MYO5A: variants seen among roughly 807,000 people sequenced by gnomAD.
The protein encoded by MYO5A is myosin VA.
A neutral mutation model predicts 249.7 loss-of-function variants in MYO5A; 98 were observed. The ratio of observed to expected loss-of-function variants is 0.39; its 90% CI spans 0.33 to 0.46. The LOEUF (loss-of-function observed/expected upper bound fraction) is 0.46. MYO5A is among the 20% of genes least tolerant of loss of function. The pLI, the probability that MYO5A is intolerant of heterozygous loss-of-function variation, is 0.98. For synonymous variants in MYO5A, 778 were observed against 810.6 expected (o/e 0.96, Z 0.68); for missense variants, 1,696 against 2,308.8 (o/e 0.73, Z 5.44).
chr15:52,362,019 C>CT (rs2040555318), intron 24 of MYO5A, among the ~76,000 whole-genome samples: 1 of 150,760 alleles, frequency 6.6e-6, no homozygotes, highest in Admixed American at 6.7e-5. Flanking sequence ...GCCTCATGAT[C>CT]TTTTCATCAT....
chr15:52,479,150 G>A (rs1343030008), intron 1 of MYO5A, among the ~76,000 whole-genome samples: 1 of 151,816 alleles, frequency 6.6e-6, no homozygotes, highest in Non-Finnish European at 1.5e-5. Flanking sequence ...GCTAATTTTT[G>A]TACTTTTAGT....
At chr15:52,355,765 T>C (rs879796372) in intron 25 of MYO5A, among the ~76,000 whole-genome samples, 1 of 152,218 alleles carries the variant, frequency 6.6e-6, no homozygotes, top group Non-Finnish European at 1.5e-5. Flanking sequence ...GCATAGGTTA[T>C]ATGTAAATAC....
chr15:52,461,915 C>T lies in MYO5A; in HGVS notation c.28-28630G>A, dbSNP rs553510049. 7.7e-5 allele frequency among the ~76,000 whole-genome samples: 11 copies of T among 143,468 alleles called. 1 individual carries two copies. In the East Asian group the frequency reaches 1.0e-3, roughly 14 times the overall value. The allele number at this position is 143,468 out of a possible 152,430, so 94.1% of individuals were successfully genotyped here. A position where few individuals can be genotyped will look rare whatever the true frequency, so the allele number is the denominator to read the frequency against. The stretch of plus-strand genomic sequence containing the variant: ...GGCAGAGGTTGTGGTGAGCTGAGAT[C>T]GCGCCACTGTACTCTAGCCAGCCTG... On this transcript the variant is annotated intron_variant, in intron 1 of 41. Transcript: ENST00000399233.
In MYO5A at chr15:52,346,370, T is replaced by C. The variant is rs2039628707; in HGVS notation, c.3950A>G (p.Glu1317Gly). The C allele has an allele frequency of 6.3e-7, 1 of 1,587,302 alleles. No individual in the cohort carries two copies. The highest frequency in any genetic ancestry group is 2.2e-5 in the East Asian group (1 of 44,746). ...AGAAGGATCAACTTACCTATTTGTT[T>C]CTTTCAAACCAATGTATGCTTGTGC... ...EIAQAYIGLK[E>G]TNRSSALDYH... Residue 1317 changes from glutamate to glycine, a missense_variant, in exon 30 of 42, where the codon GAA (glutamate) becomes GGA (glycine). Coordinates refer to ENST00000399233, the MANE Select transcript of MYO5A (RefSeq NM_001382347.1).
intron 34 of MYO5A, among the ~76,000 whole-genome samples, chr15:52,334,247 G>A (rs1181556741): frequency 6.6e-6 from 1 of 152,132 alleles, no homozygotes. Flanking sequence ...TGGCTTTTCT[G>A]TTTATCAAAA....
At chr15:52,410,539 T>A in intron 5 of MYO5A, 63 bp from the exon 6 acceptor site, 1 of 1,493,324 alleles carries the variant, frequency 6.7e-7, no homozygotes, top group East Asian at 2.3e-5. Flanking sequence ...ATTTACAGAA[T>A]CTGCTCAGAG....
At chr15:52,510,546 G>A (rs939618809) in intron 1 of MYO5A, among the ~76,000 whole-genome samples, 2 of 152,176 alleles carry the variant, frequency 1.3e-5, no homozygotes, top group South Asian at 2.1e-4. Context: ...GTGAGCTAGC[G>A]AGCAATACCA....
rs74933743 is a variant in MYO5A, at chr15:52,412,372, T to A, written c.613-1896A>T. On this transcript the variant is annotated intron_variant, in intron 5 of 41. Coordinates refer to ENST00000399233, the MANE Select transcript of MYO5A (RefSeq NM_001382347.1). ...AGGGATTGGCTAGAATTGAAGCAGA[T>A]CCTTTTGTTTTCAAATAAAATGTAT... Among the ~76,000 whole-genome samples, 5 of 152,314 alleles carry A rather than the reference T, an allele frequency of 3.3e-5. No individual in the cohort carries two copies. The East Asian group carries it at 9.6e-4, about 29-fold the overall frequency.
rs763094309 is a variant in MYO5A at position 52,379,777 on chromosome 15, C to A, written c.2100-44G>T. 139 of 1,613,764 alleles carry A rather than the reference C, an allele frequency of 8.6e-5. 2 individuals are homozygous for A. The Admixed American group carries it at 2.1e-3, about 24-fold the overall frequency. ...CTGAGTTTACTTAAAGAACTAGGATCTTCTCCCATTAGGATCCCTTACATC... is the reference window on the plus strand; with the variant it reads ...CTGAGTTTACTTAAAGAACTAGGATATTCTCCCATTAGGATCCCTTACATC... On this transcript the variant is annotated intron_variant, in intron 17 of 41. Transcript: ENST00000399233.
At chr15:52,388,676 G>T (rs941873027) in intron 13 of MYO5A, among the ~76,000 whole-genome samples, 1 of 152,140 alleles carries the variant, frequency 6.6e-6, no homozygotes, top group Non-Finnish European at 1.5e-5. Flanking sequence ...AACTTGTGAA[G>T]CAGTAAGACA....
intron 1 of MYO5A, among the ~76,000 whole-genome samples, chr15:52,510,400 A>C (rs1450850346): frequency 6.6e-6 from 1 of 152,130 alleles, no homozygotes; most frequent in African/African-American, 2.4e-5. Context: ...CAGATAAATC[A>C]AATAAGAATT....
chr15:52,366,629 C>CAAAAAAAAAAAAAAAA (rs60631867), intron 23 of MYO5A, among the ~76,000 whole-genome samples: 1 of 74,560 alleles, frequency 1.3e-5, no homozygotes, highest in Non-Finnish European at 2.9e-5. Flanking sequence ...ATTGATTTAG[C>CAAAAAAAAAAAAAAAA]AAAAAAAAAA....
intron 1 of MYO5A, among the ~76,000 whole-genome samples, chr15:52,504,826 T>C (rs1263308547): frequency 4.6e-5 from 7 of 151,300 alleles, no homozygotes. Flanking sequence ...CAGGCAGAGG[T>C]TGCAGGGAGC....
intron 1 of MYO5A, among the ~76,000 whole-genome samples, chr15:52,491,768 T>C (rs2177876): frequency 0.15 from 22,918 of 152,198 alleles, 1,836 homozygotes; most frequent in Middle Eastern, 0.22. Context: ...CAAAAACTCA[T>C]ACACGAAGCA....
At chr15:52,433,999 C>CTT (rs398043307) in intron 1 of MYO5A, among the ~76,000 whole-genome samples, 53 of 127,288 alleles carry the variant, frequency 4.2e-4, no homozygotes, top group East Asian at 1.1e-3. Context: ...CTTTCTTTTT[C>CTT]TTTTTTTTTT....
chr15:52,366,167 AT>A (rs964656745), intron 23 of MYO5A, among the ~76,000 whole-genome samples: 2 of 152,118 alleles, frequency 1.3e-5, no homozygotes, highest in African/African-American at 4.8e-5. Context: ...GAATACCTCC[AT>A]GTTGAGGTCC....
chr15:52,442,302 G>A (rs866961353), intron 1 of MYO5A, among the ~76,000 whole-genome samples: 3 of 152,152 alleles, frequency 2.0e-5, no homozygotes, highest in Non-Finnish European at 1.5e-5. Context: ...GGACAGATGG[G>A]AAGAAAGGAA....
intron 37 of MYO5A, among the ~76,000 whole-genome samples, chr15:52,321,982 A>G (rs1029749707): frequency 1.3e-5 from 2 of 152,168 alleles, no homozygotes; most frequent in East Asian, 1.9e-4. Flanking sequence ...AATACATACA[A>G]AAAGTTCTCT....
chr15:52,351,304 G>A lies in MYO5A; in HGVS notation c.3799C>T (p.Leu1267Phe). Residue 1267 changes from leucine to phenylalanine, a missense_variant, in exon 28 of 42, where the codon CTC becomes TTC. By Grantham distance (22) the Leu-to-Phe change is conservative. This residue lies in a region of MYO5A where 625 missense variants were observed against 908.1 expected (regional missense o/e 0.69). Transcript: ENST00000399233. ...EELDVRKEEV[L>F]ILRSQLVSQK... is the part of the protein sequence containing the mutation. Reference sequence around the variant, plus strand: ...CTCACCAGTTGAGACCTTAAGATGAGGACTTCCTCCTTGCGGACATCAAGC... The same window carrying A: ...CTCACCAGTTGAGACCTTAAGATGAAGACTTCCTCCTTGCGGACATCAAGC... The A allele has an allele frequency of 1.2e-6, 2 of 1,614,160 alleles. No individual in the cohort carries two copies. Among genetic ancestry groups the A allele is most frequent in the South Asian group, 2.2e-5 (2 of 91,084 alleles).
Sources: allele counts gnomAD v4.1 joint callset (sites outside exome capture counted in the v4.1 genomes callset), GRCh38; gene constraint gnomAD v4.1.1; regional missense constraint gnomAD v4.1.1; transcripts MANE v1.5; gene names NCBI Gene and HGNC (gene_info 2026-07-23, HGNC 2026-07-21).